MAPT: variants seen among roughly 807,000 people sequenced by gnomAD.
MAPT encodes microtubule associated protein tau.
MAPT carries 34 observed loss-of-function variants against 67.9 expected under a neutral mutation model. The observed-to-expected ratio is 0.50, with a 90% confidence interval of 0.38 to 0.67. MAPT has a LOEUF of 0.67. MAPT is among the 30% of genes least tolerant of loss of function. MAPT has a pLI of 0.00. For missense variants in MAPT, 881 were observed against 1,115.2 expected (o/e 0.79, Z 2.99); for synonymous variants, 456 against 464.5 (o/e 0.98, Z 0.23).
Position 46,024,704 on chromosome 17 carries a change from C to T in MAPT, c.*533C>T, listed in dbSNP as rs1444283166. 1.0e-3 allele frequency: 38 copies of T among 36,294 alleles called. No homozygotes were observed. The highest frequency in any genetic ancestry group is 3.0e-3 in the Admixed American group (7 of 2,328). The allele number at this position is 36,294 out of a possible 1,614,324, so 2.2% of individuals were successfully genotyped here. ...GGGGTTGGGGTGGGGCGGGAGGCCA[C>T]GGGGGAGGCCGAGGCAGGGGCTGGG... On this transcript the variant is annotated 3_prime_UTR_variant, in exon 13 of 13. Coordinates refer to ENST00000262410, the MANE Select transcript of MAPT (RefSeq NM_001377265.1).
At chr17:46,002,271 G>A (rs903931267) in intron 9 of MAPT, among the ~76,000 whole-genome samples, 4 of 152,164 alleles carry the variant, frequency 2.6e-5, no homozygotes, top group African/African-American at 7.2e-5. Flanking sequence ...CAGGCTGTCG[G>A]CATCTGCTGG....
intron 1 of MAPT, among the ~76,000 whole-genome samples, chr17:45,942,852 G>A (rs1244224969): frequency 6.6e-6 from 1 of 152,232 alleles, no homozygotes; most frequent in Non-Finnish European, 1.5e-5. Context: ...ACAATGCAAA[G>A]GAGGCTCTGG....
Position 45,978,384 on chromosome 17 carries a change from C to G in MAPT, c.230C>G (p.Ala77Gly). ...CTGACACATACACCAGCTGAAGAAG[C>G]AGGCATTGGAGACACCCCCAGCCTG... ...KSTPTAEAEEAGIGDTPSLED... is the reference protein window; with the variant it reads ...KSTPTAEAEEGGIGDTPSLED... The change falls in exon 4 of 13, where the codon GCA (alanine) becomes GGA (glycine). Residue 77 changes from alanine (A) to glycine (G), a missense_variant. By Grantham distance (60) the Ala-to-Gly change is moderately conservative. This residue lies in a region of MAPT where 687 missense variants were observed against 766.1 expected (regional missense o/e 0.90). Coordinates refer to ENST00000262410, the MANE Select transcript of MAPT (RefSeq NM_001377265.1). 6.2e-7 allele frequency: 1 copy of G among 1,613,624 alleles called. No homozygotes were observed. The highest frequency in any genetic ancestry group is 8.5e-7 in the Non-Finnish European group (1 of 1,179,836).
intron 10 of MAPT, among the ~76,000 whole-genome samples, chr17:46,013,237 C>T (rs1270993535): frequency 1.3e-5 from 2 of 152,082 alleles, no homozygotes; most frequent in Non-Finnish European, 2.9e-5. Context: ...GGTGACCCCA[C>T]ACAAGGCCAC....
At chr17:45,965,782 T>C (rs1375937841) in intron 2 of MAPT, among the ~76,000 whole-genome samples, 1 of 152,128 alleles carries the variant, frequency 6.6e-6, no homozygotes, top group Non-Finnish European at 1.5e-5. Flanking sequence ...TGGGTGATAG[T>C]AAATGCCACT....
intron 1 of MAPT, among the ~76,000 whole-genome samples, chr17:45,904,255 T>A (rs867309105): frequency 2.0e-5 from 1 of 50,750 alleles, no homozygotes; most frequent in Non-Finnish European, 3.7e-5. Context: ...ATATTATATA[T>A]TATATATTAT....
intron 4 of MAPT, among the ~76,000 whole-genome samples, chr17:45,981,341 C>G (rs1222761720): frequency 6.6e-6 from 1 of 152,046 alleles, no homozygotes; most frequent in Non-Finnish European, 1.5e-5. Context: ...ATTAGGAGAA[C>G]CAAGGAGTGT....
chr17:45,904,915 G>A (rs1475017531), intron 1 of MAPT, among the ~76,000 whole-genome samples: 1 of 152,026 alleles, frequency 6.6e-6, no homozygotes, highest in Admixed American at 6.6e-5. Flanking sequence ...TGTTACACTG[G>A]GGCACAGCAA....
intron 1 of MAPT, among the ~76,000 whole-genome samples, chr17:45,943,346 T>C (rs2068164989): frequency 6.6e-6 from 1 of 152,166 alleles, no homozygotes; most frequent in Admixed American, 6.5e-5. Context: ...TGAGCCACCA[T>C]GCCTGGCAGT....
chr17:45,989,917 C>T lies in MAPT; in HGVS notation c.1447C>T (p.Pro483Ser), dbSNP rs751317128. The change falls in exon 7 of 13, where the codon CCT becomes TCT. Residue 483 changes from proline (P) to serine (S), a missense_variant. By Grantham distance (74) the Pro-to-Ser change is moderately conservative (BLOSUM62 -1). This residue lies in a region of MAPT where 687 missense variants were observed against 766.1 expected (regional missense o/e 0.90). Coordinates refer to ENST00000262410, the MANE Select transcript of MAPT (RefSeq NM_001377265.1). ...CTCTGCTAAAACCTTGAAAAATAGG[C>T]CTTGCCTTAGCCCCAAACACCCCAC... is the stretch of plus-strand genomic sequence containing the variant. ...RSSAKTLKNR[P>S]CLSPKHPTPG... is the part of the protein sequence containing the mutation. 2 of 1,614,162 alleles carry T rather than the reference C, an allele frequency of 1.2e-6. No individual in the cohort carries two copies. The highest frequency in any genetic ancestry group is 1.7e-6 in the Non-Finnish European group (2 of 1,180,028).
intron 8 of MAPT, chr17:45,993,918 T>A: frequency 6.4e-7 from 1 of 1,566,748 alleles, no homozygotes; most frequent in Non-Finnish European, 8.7e-7. Context: ...GATTTTTCTC[T>A]TTAAGCGACT....
intron 9 of MAPT, among the ~76,000 whole-genome samples, chr17:46,005,660 A>G (rs1299686062): frequency 6.6e-6 from 1 of 152,172 alleles, no homozygotes; most frequent in Admixed American, 6.5e-5. Context: ...GGAGGGTGGC[A>G]TGAATTGATT....
At chr17:45,904,387 A>T (rs1259289321) in intron 1 of MAPT, among the ~76,000 whole-genome samples, 2 of 110,218 alleles carry the variant, frequency 1.8e-5, no homozygotes, top group African/African-American at 3.4e-5. Flanking sequence ...TATATATATT[A>T]TATATATATA....
chr17:46,013,854 T>A (rs941119192), intron 10 of MAPT, among the ~76,000 whole-genome samples: 2 of 152,240 alleles, frequency 1.3e-5, no homozygotes, highest in Non-Finnish European at 2.9e-5. Flanking sequence ...TGCCTGATTG[T>A]GATCTGTCAA....
chr17:45,990,508 C>T (rs901751549), intron 7 of MAPT: 14 of 450,626 alleles, frequency 3.1e-5, no homozygotes, highest in Middle Eastern at 4.5e-4. Flanking sequence ...CGCAGCTACT[C>T]GGGAGGCTGA....
chr17:45,923,873 C>T lies in MAPT; in HGVS notation c.-18+29187C>T, dbSNP rs113496105. Among the ~76,000 whole-genome samples the T allele has an allele frequency of 3.7e-4, 57 of 152,316 alleles. 1 individual carries two copies. Among genetic ancestry groups the T allele is most frequent in the African/African-American group, 1.3e-3 (54 of 41,566 alleles). ...AATTTGGGCAAGTCGCTCAACCTCT[C>T]CATGCCTGAGTTTCCTCATCTGTAA... is the stretch of plus-strand genomic sequence containing the variant. On this transcript the variant is annotated intron_variant, in intron 1 of 12. Coordinates refer to ENST00000262410, the MANE Select transcript of MAPT (RefSeq NM_001377265.1).
chr17:46,016,428 A>T (rs534541234), intron 11 of MAPT, among the ~76,000 whole-genome samples: 1 of 151,152 alleles, frequency 6.6e-6, no homozygotes, highest in African/African-American at 2.4e-5. Context: ...AAAGAAAGTG[A>T]TCCTACTGGA....
rs62056781 is a variant in MAPT at position 45,896,533 on chromosome 17, T to C, written c.-18+1847T>C. The C allele has an allele frequency of 0.14, 21,850 of 152,264 alleles. 2,139 individuals carry two copies. The highest frequency in any genetic ancestry group is 0.22 in the Middle Eastern group (64 of 294). 9.4% of individuals were successfully genotyped at this position (152,264 alleles called of 1,614,324 possible). On this transcript the variant is annotated intron_variant, in intron 1 of 12. Transcript: ENST00000262410. This position sits in a 1 kb window ranked among gnomAD's most constrained non-coding sequence, Gnocchi z 5.6. ...GGGGGATTGCCATGGAAACCACAGG[T>C]GTCCGGAGAGGGGATCTTGGGGCTG... is the stretch of plus-strand genomic sequence containing the variant.
At chr17:45,903,714 C>CAAAAAAAA (rs1222023338) in intron 1 of MAPT, among the ~76,000 whole-genome samples, 1 of 37,134 alleles carries the variant, frequency 2.7e-5, no homozygotes, top group African/African-American at 9.2e-5. Context: ...GACTTCTTCT[C>CAAAAAAAA]AAAAAAAAAA....
Sources: gnomAD v4.1 joint callset for allele counts (sites outside exome capture counted in the v4.1 genomes callset) on GRCh38, gnomAD v4.1.1 for gene constraint, gnomAD v4.1.1 regional missense constraint, Gnocchi (gnomAD v3.1) non-coding constraint, MANE v1.5 for transcripts, NCBI Gene and HGNC (gene_info 2026-07-23, HGNC 2026-07-21) for gene names.